TTC6: variants seen among roughly 807,000 people sequenced by gnomAD.
TTC6 encodes the protein tetratricopeptide repeat protein 6.
TTC6 carries 172 observed loss-of-function variants against 210.4 expected under a neutral mutation model. The observed-to-expected ratio is 0.82, with a 90% CI of 0.72 to 0.93. The LOEUF (loss-of-function observed/expected upper bound fraction) is 0.93, where lower values mean the gene tolerates loss of function less well. Among genes scored for constraint, TTC6 ranks in the 40% least tolerant of loss-of-function variants. TTC6 has a pLI of 0.00. For missense variants in TTC6, 2,414 were observed against 2,318.1 expected (o/e 1.04, Z -0.85); for synonymous variants, 804 against 819.6 (o/e 0.98, Z 0.32).
chr14:37,729,668 A>T (rs915291621), intron 7 of TTC6, among the ~76,000 whole-genome samples: 4 of 152,082 alleles, frequency 2.6e-5, no homozygotes, highest in Admixed American at 2.6e-4. Flanking sequence ...CCCCTTTCAG[A>T]GATGTCAAAT....
At chr14:37,665,510 G>A (rs777834965) in intron 1 of TTC6, among the ~76,000 whole-genome samples, 1 of 150,288 alleles carries the variant, frequency 6.7e-6, no homozygotes, top group Non-Finnish European at 1.5e-5. Context: ...GGGTATGGCA[G>A]GAGGGAGAGC....
upstream of TTC6, among the ~76,000 whole-genome samples, chr14:37,619,303 G>C (rs532306559): frequency 6.6e-6 from 1 of 152,116 alleles, no homozygotes; most frequent in African/African-American, 2.4e-5. Context: ...CGTGTAGCAG[G>C]GTCTTCAGTT....
Position 37,665,845 on chromosome 14 carries a change from G to A in TTC6, c.940-14306G>A, listed in dbSNP as rs177893. 4.0e-3 allele frequency among the ~76,000 whole-genome samples: 599 copies of A among 150,394 alleles called. 12 individuals carry two copies. The highest frequency in any genetic ancestry group is 0.013 in the African/African-American group (541 of 41,348). On this transcript the variant is annotated intron_variant, in intron 1 of 30. Transcript: ENST00000553443. ...CACACTCTTTGTGATGAGATACTCA[G>A]ACTCCAAGGCTGCACCAGGAACTGA...
intron 1 of TTC6, among the ~76,000 whole-genome samples, chr14:37,657,905 G>T (rs542049985): frequency 1.6e-4 from 24 of 152,250 alleles, no homozygotes; most frequent in African/African-American, 5.8e-4. Context: ...GACCTTGCAG[G>T]ATGAAAAATT....
intron 14 of TTC6, among the ~76,000 whole-genome samples, chr14:37,755,805 CT>C (rs1440336309): frequency 1.3e-5 from 2 of 152,078 alleles, no homozygotes; most frequent in African/African-American, 4.8e-5. Flanking sequence ...CAGCTTTGTT[CT>C]TTTTGCTTAG....
intron 18 of TTC6, 101 bp downstream of exon 20, chr14:37,795,453 T>G (rs188724289): frequency 1.7e-4 from 111 of 664,816 alleles, no homozygotes; most frequent in Non-Finnish European, 2.3e-4. Context: ...CTCCCCATTT[T>G]ACATTTAATC....
At chr14:37,663,029 A>T (rs933183475) in intron 1 of TTC6, among the ~76,000 whole-genome samples, 1 of 152,040 alleles carries the variant, frequency 6.6e-6, no homozygotes, top group African/African-American at 2.4e-5. Context: ...TGAGCATGGA[A>T]TGTTTTTCCG....
upstream of TTC6, among the ~76,000 whole-genome samples, chr14:37,617,124 T>C (rs962651003): frequency 6.6e-6 from 1 of 152,124 alleles, no homozygotes; most frequent in African/African-American, 2.4e-5. Context: ...GATTCTCCCT[T>C]CTTGGCCTCC....
Position 37,796,385 on chromosome 14 carries a change from T to G in TTC6, c.3868+15T>G. The G allele has an allele frequency of 9.5e-7, 1 of 1,048,824 alleles. No homozygotes were observed. 65.0% of individuals were successfully genotyped at this position (1,048,824 alleles called of 1,614,324 possible). A position where few individuals can be genotyped will look rare whatever the true frequency, so the allele number is the denominator to read the frequency against. ...AATGGACAAAGGTAAGTATAATTAATTATAACTTTTAAGAAATACTTCTTT... is the reference window on the plus strand; with the variant it reads ...AATGGACAAAGGTAAGTATAATTAAGTATAACTTTTAAGAAATACTTCTTT... On this transcript the variant is annotated intron_variant, in intron 19 of 30. Coordinates refer to ENST00000553443, the Ensembl canonical transcript of TTC6.
chr14:37,803,537 A>G (rs544702917), intron 20 of TTC6, among the ~76,000 whole-genome samples: 1 of 152,198 alleles, frequency 6.6e-6, no homozygotes, highest in East Asian at 1.9e-4. Context: ...TTTAATTTAA[A>G]TGGGTTGGAA....
At chr14:37,808,778 G>A (rs1386296989) in exon 24 of TTC6, 12 of 1,524,298 alleles carry the variant, frequency 7.9e-6, no homozygotes, top group African/African-American at 1.5e-5. Flanking sequence ...TATCAGCATG[G>A]ACAAAAATAG....
At chr14:37,824,417 A>G (rs567588734) in intron 27 of TTC6, among the ~76,000 whole-genome samples, 35 of 152,324 alleles carry the variant, frequency 2.3e-4, no homozygotes, top group African/African-American at 8.4e-4. Context: ...AAGTCCATTT[A>G]AAGAGAGGGA....
intron 1 of TTC6, among the ~76,000 whole-genome samples, chr14:37,667,204 G>A (rs886517380): frequency 6.7e-6 from 1 of 150,174 alleles, no homozygotes; most frequent in Non-Finnish European, 1.5e-5. Context: ...GCTTGGGACA[G>A]GGAGATTAGA....
chr14:37,654,685 G>A (rs1464821342), intron 1 of TTC6, among the ~76,000 whole-genome samples: 2 of 152,142 alleles, frequency 1.3e-5, no homozygotes, highest in Non-Finnish European at 2.9e-5. Flanking sequence ...GTAGCCTTAA[G>A]AAAATAGAAG....
At chr14:37,822,773 G>A (rs1397080547) in intron 26 of TTC6, among the ~76,000 whole-genome samples, 1 of 152,086 alleles carries the variant, frequency 6.6e-6, no homozygotes, top group Non-Finnish European at 1.5e-5. Flanking sequence ...TTGGAGTAAG[G>A]CTTACATGAA....
At chr14:37,781,628 T>TA (rs1365288683) in intron 14 of TTC6, among the ~76,000 whole-genome samples, 7 of 152,352 alleles carry the variant, frequency 4.6e-5, no homozygotes, top group African/African-American at 1.7e-4. Flanking sequence ...CTCTTTAGTT[T>TA]AATCAGATCC....
chr14:37,633,262 C>T (rs558771548), intron 1 of TTC6, among the ~76,000 whole-genome samples: 1 of 152,238 alleles, frequency 6.6e-6, no homozygotes, highest in South Asian at 2.1e-4. Context: ...TGAAGGCACC[C>T]GAGGGAATCT....
intron 4 of TTC6, among the ~76,000 whole-genome samples, chr14:37,700,102 C>G (rs1018150865): frequency 6.6e-6 from 1 of 152,040 alleles, no homozygotes; most frequent in African/African-American, 2.4e-5. Context: ...ACCTAAAGAT[C>G]TAAAGCTGAT....
At chr14:37,728,301 C>T (rs1390472923) in intron 7 of TTC6, among the ~76,000 whole-genome samples, 2 of 151,840 alleles carry the variant, frequency 1.3e-5, no homozygotes, top group Non-Finnish European at 2.9e-5. Flanking sequence ...ATGTGTTAGC[C>T]GGGCATGGTG....
Sources: allele counts gnomAD v4.1 joint callset (sites outside exome capture counted in the v4.1 genomes callset), GRCh38; gene constraint gnomAD v4.1.1; transcripts MANE v1.5; gene names NCBI Gene and HGNC (gene_info 2026-07-23, HGNC 2026-07-21).